Variants in GALC observed in about 807,000 individuals in gnomAD.
GALC encodes galactocerebrosidase.
A neutral mutation model predicts 91.8 loss-of-function variants in GALC; 77 were observed. The ratio of observed to expected loss-of-function variants is 0.84; its 90% CI spans 0.70 to 1.01. The LOEUF is 1.01. Ranked by LOEUF, GALC falls within the 50% of genes least tolerant of loss-of-function variation. The pLI is 0.00. For synonymous variants in GALC, 357 were observed against 306.7 expected, an observed-to-expected ratio of 1.16 and a Z score of -1.71; for missense variants, 882 against 855.9, an observed-to-expected ratio of 1.03 and a Z score of -0.38.
intron 10 of GALC, chr14:87,953,294 G>T: frequency 6.7e-7 from 1 of 1,484,156 alleles, no homozygotes; most frequent in South Asian, 1.1e-5. Context: ...ATAAATAAAG[G>T]GAATGTAAAC....
intron 6 of GALC, among the ~76,000 whole-genome samples, chr14:87,981,617 A>G (rs542465472): frequency 2.6e-5 from 4 of 152,282 alleles, no homozygotes; most frequent in African/African-American, 9.6e-5. Flanking sequence ...TTTTTTTCCA[A>G]TGGCAGAAGT....
chr14:87,993,407 C>G (rs1301987298), upstream of GALC: 9 of 1,535,884 alleles, frequency 5.9e-6, no homozygotes, highest in Non-Finnish European at 7.8e-6. Flanking sequence ...CCGGCGTCAC[C>G]TGGTGGAGCA....
intron 6 of GALC, among the ~76,000 whole-genome samples, chr14:87,981,027 T>C (rs578104330): frequency 3.3e-5 from 5 of 152,328 alleles, no homozygotes; most frequent in Admixed American, 2.0e-4. Flanking sequence ...GCAGGATTGA[T>C]GGATTTGTGA....
At chr14:87,989,902 T>C (rs1887127631) in intron 1 of GALC, among the ~76,000 whole-genome samples, 1 of 152,220 alleles carries the variant, frequency 6.6e-6, no homozygotes, top group Non-Finnish European at 1.5e-5. Context: ...CTCCTAACCC[T>C]GATACTTTAT....
At chr14:87,944,949 GAA>G in intron 14 of GALC, among the ~76,000 whole-genome samples, 1 of 147,564 alleles carries the variant, frequency 6.8e-6, no homozygotes, top group East Asian at 2.0e-4. Flanking sequence ...ATGACAGGTG[GAA>G]TAAGTCAGCA....
At chr14:87,936,916 A>ATATATATATATATATATATATATT (rs1431339979) in intron 16 of GALC, among the ~76,000 whole-genome samples, 3 of 139,566 alleles carry the variant, frequency 2.1e-5, no homozygotes, top group Admixed American at 7.1e-5. Context: ...ATATATATTT[A>ATATATATATATATATATATATATT]TTTATTTTCT....
intron 11 of GALC, 113 bp downstream of exon 11, chr14:87,950,546 T>C (rs923352158): frequency 5.7e-6 from 4 of 706,790 alleles, no homozygotes; most frequent in Admixed American, 2.3e-5. Flanking sequence ...TCAATTCATA[T>C]GCAAACTGTT....
intron 16 of GALC, among the ~76,000 whole-genome samples, chr14:87,938,091 C>G (rs1444914089): frequency 6.6e-6 from 1 of 151,734 alleles, no homozygotes; most frequent in Non-Finnish European, 1.5e-5. Flanking sequence ...AGGAAGTTGC[C>G]CCACCAGATA....
intron 1 of GALC, among the ~76,000 whole-genome samples, chr14:87,988,832 A>T (rs903777833): frequency 6.6e-6 from 1 of 152,224 alleles, no homozygotes; most frequent in African/African-American, 2.4e-5. Context: ...AGACCACTTG[A>T]CAACAATATC....
chr14:87,975,139 T>A (rs1886442129), intron 7 of GALC, among the ~76,000 whole-genome samples: 2 of 151,930 alleles, frequency 1.3e-5, no homozygotes, highest in Admixed American at 1.3e-4. Context: ...CTAACCTAAA[T>A]CTAACCTAAA....
At chr14:87,977,600 A>G (rs1275704149) in intron 6 of GALC, among the ~76,000 whole-genome samples, 1 of 152,214 alleles carries the variant, frequency 6.6e-6, no homozygotes, top group Non-Finnish European at 1.5e-5. Context: ...AATGGATACA[A>G]ATAAGCCCAC....
At chr14:87,976,295 G>A (rs995079824) in intron 7 of GALC, 63 bp downstream of exon 7, 72 of 1,583,032 alleles carry the variant, frequency 4.5e-5, no homozygotes, top group Non-Finnish European at 6.1e-5. Flanking sequence ...GCAAGAAAAA[G>A]ATAGTCAATA....
chr14:87,990,611 A>C (rs569599415), intron 1 of GALC, among the ~76,000 whole-genome samples: 64 of 152,332 alleles, frequency 4.2e-4, no homozygotes, highest in African/African-American at 1.5e-3. Flanking sequence ...CTAGGTAAAC[A>C]ATGCTTCCTG....
chr14:87,984,768 CAAG>C (rs1374483791), intron 4 of GALC, among the ~76,000 whole-genome samples: 2 of 151,846 alleles, frequency 1.3e-5, no homozygotes, highest in African/African-American at 2.4e-5. Context: ...ATGTTCTTTC[CAAG>C]AAGAAGAAAA....
chr14:87,993,139 G>A lies in GALC; in HGVS notation c.26C>T (p.Ser9Phe), dbSNP rs1448371018. 1 of 1,582,990 alleles carries A rather than the reference G, an allele frequency of 6.3e-7. No individual in the cohort carries two copies. The highest frequency in any genetic ancestry group is 1.8e-5 in the Admixed American group (1 of 55,122). The change falls in exon 1 of 17, where the codon TCC (serine) becomes TTC (phenylalanine). Residue 9 changes from serine (S) to phenylalanine (F), a missense_variant. Coordinates refer to ENST00000261304, the MANE Select transcript of GALC (RefSeq NM_000153.4). ...CATAGCTTTCGCTCGGCGTTGCCAG[G>A]AAGCCGAGAGTAGCCACTCAGCCAT... MAEWLLSA[S>F]WQRRAKAMTA...
intron 2 of GALC, 64 bp from the exon 3 acceptor site, chr14:87,988,271 A>T: frequency 6.9e-7 from 1 of 1,447,548 alleles, no homozygotes; most frequent in Non-Finnish European, 9.7e-7. Flanking sequence ...GACAATTACT[A>T]ATTACTGCCT....
intron 15 of GALC, among the ~76,000 whole-genome samples, 185 bp from the exon 16 acceptor site, chr14:87,940,166 A>G (rs1167976369): frequency 1.3e-5 from 2 of 152,030 alleles, no homozygotes; most frequent in East Asian, 1.9e-4. Flanking sequence ...TTAGCCATGC[A>G]TTTAATAGCA....
intron 7 of GALC, among the ~76,000 whole-genome samples, chr14:87,970,786 A>G (rs139647046): frequency 0.11 from 16,870 of 148,692 alleles, 1,119 homozygotes; most frequent in Non-Finnish European, 0.16. Context: ...GGAGAATGGC[A>G]TGAACCTGGG....
intron 16 of GALC, among the ~76,000 whole-genome samples, chr14:87,939,112 A>T (rs914140414): frequency 6.6e-6 from 1 of 152,110 alleles, no homozygotes; most frequent in Non-Finnish European, 1.5e-5. Context: ...AGTGAATATT[A>T]TTATAATTGC....
Sources: gnomAD v4.1 joint callset for allele counts (sites outside exome capture counted in the v4.1 genomes callset) on GRCh38, gnomAD v4.1.1 for gene constraint, MANE v1.5 for transcripts, NCBI Gene and HGNC (gene_info 2026-07-23, HGNC 2026-07-21) for gene names.